Variants in CFAP61 observed in about 807,000 individuals in gnomAD.
The protein encoded by CFAP61 is cilia and flagella associated protein 61, also known as cilia- and flagella-associated protein 61.
CFAP61 carries 107 observed loss-of-function variants against 135.6 expected under a neutral mutation model. The ratio of observed to expected loss-of-function variants is 0.79; its 90% CI spans 0.67 to 0.93. CFAP61 has a LOEUF of 0.93. Among genes scored for constraint, CFAP61 ranks in the 40% least tolerant of loss-of-function variants. The pLI, the probability that CFAP61 is intolerant of heterozygous loss-of-function variation, is 0.00. For synonymous variants in CFAP61, 575 were observed against 578.5 expected (o/e 0.99, Z 0.09); for missense variants, 1,507 against 1,556.2 (o/e 0.97, Z 0.53).
At chr20:20,084,970 TA>T in intron 6 of CFAP61, 1 of 308,976 alleles carries the variant, frequency 3.2e-6, no homozygotes, top group Non-Finnish European at 4.7e-6. Flanking sequence ...CCAGGGAAGT[TA>T]AAATAAAATA....
At chr20:20,163,129 AG>A (rs1341373678) in intron 10 of CFAP61, among the ~76,000 whole-genome samples, 1 of 152,260 alleles carries the variant, frequency 6.6e-6, no homozygotes, top group African/African-American at 2.4e-5. Flanking sequence ...TTGGAAGGAC[AG>A]AGAACTGCTG....
chr20:20,355,155 AG>A (rs2059039980), intron 26 of CFAP61, among the ~76,000 whole-genome samples: 1 of 110,938 alleles, frequency 9.0e-6, no homozygotes, highest in Non-Finnish European at 1.8e-5. Flanking sequence ...GTGAGAGGGA[AG>A]GGGGTCACTG....
chr20:20,266,154 G>C (rs1240067540), intron 21 of CFAP61, among the ~76,000 whole-genome samples: 1 of 152,154 alleles, frequency 6.6e-6, no homozygotes, highest in Non-Finnish European at 1.5e-5. Context: ...TAGCTGGGAG[G>C]GCATTCCATA....
chr20:20,330,948 G>A (rs920371838), intron 25 of CFAP61, among the ~76,000 whole-genome samples: 1 of 152,160 alleles, frequency 6.6e-6, no homozygotes, highest in African/African-American at 2.4e-5. Flanking sequence ...TCTTCCCCTG[G>A]AAAGCTGCTA....
intron 3 of CFAP61, chr20:20,073,963 C>T (rs1347686116): frequency 1.2e-5 from 3 of 254,624 alleles, no homozygotes; most frequent in Non-Finnish European, 2.3e-5. Context: ...CATAGACACC[C>T]CTGAGGACAA....
chr20:20,311,110 G>A (rs548546365), intron 25 of CFAP61, among the ~76,000 whole-genome samples: 2 of 152,328 alleles, frequency 1.3e-5, no homozygotes, highest in South Asian at 2.1e-4. Context: ...AGTATCTTGA[G>A]TGTGGCTGGC....
At chr20:20,182,901 A>G (rs1384732101) in intron 13 of CFAP61, among the ~76,000 whole-genome samples, 1 of 152,240 alleles carries the variant, frequency 6.6e-6, no homozygotes, top group Non-Finnish European at 1.5e-5. Flanking sequence ...GTGCATAGTG[A>G]CACATGGCTA....
chr20:20,075,283 C>T (rs1158031016), intron 5 of CFAP61, 27 bp downstream of exon 5: 1 of 1,607,464 alleles, frequency 6.2e-7, no homozygotes, highest in African/African-American at 1.3e-5. Context: ...CACCTCTGGT[C>T]CCCGGTAGCA....
intron 26 of CFAP61, among the ~76,000 whole-genome samples, chr20:20,346,476 C>A (rs1176904291): frequency 1.4e-5 from 2 of 146,436 alleles, no homozygotes; most frequent in Non-Finnish European, 1.5e-5. Context: ...CCAGACCATG[C>A]CATTGCACTC....
rs556717416 is a variant in CFAP61 at position 20,360,623 on chromosome 20, C to T, written c.*213C>T. ...GTGTGCCTCTCTTCTGGGGCAGGCT[C>T]GCTTTACAAATCCCAGGCATGTTCC... On this transcript the variant is annotated 3_prime_UTR_variant, in exon 27 of 27. Transcript: ENST00000245957. 3 of 574,438 alleles carry T rather than the reference C, an allele frequency of 5.2e-6. No individual in the cohort carries two copies. Among genetic ancestry groups the T allele is most frequent in the East Asian group, 2.9e-5 (1 of 34,936 alleles). The allele number at this position is 574,438 out of a possible 1,614,324, so 35.6% of individuals were successfully genotyped here. A position where few individuals can be genotyped will look rare whatever the true frequency, so the allele number is the denominator to read the frequency against.
chr20:20,338,547 G>C (rs1281828698), intron 25 of CFAP61, among the ~76,000 whole-genome samples: 3 of 152,230 alleles, frequency 2.0e-5, no homozygotes, highest in African/African-American at 7.2e-5. Flanking sequence ...CCGCCACGCT[G>C]TGCCAATGCT....
chr20:20,060,752 TAAG>T (rs1033816160), intron 2 of CFAP61, among the ~76,000 whole-genome samples: 2 of 152,218 alleles, frequency 1.3e-5, no homozygotes, highest in African/African-American at 2.4e-5. Context: ...GTCTAAGTCA[TAAG>T]AAGTCTTGCA....
At chr20:20,312,677 A>T (rs1288097207) in intron 25 of CFAP61, among the ~76,000 whole-genome samples, 2 of 152,218 alleles carry the variant, frequency 1.3e-5, no homozygotes, top group African/African-American at 2.4e-5. Context: ...ACCCACAATA[A>T]AGAGAAAGTC....
chr20:20,317,158 G>A (rs2057186463), intron 25 of CFAP61, among the ~76,000 whole-genome samples: 1 of 151,992 alleles, frequency 6.6e-6, no homozygotes. Context: ...ACAGGCATGA[G>A]CCACTGTGCC....
intron 25 of CFAP61, among the ~76,000 whole-genome samples, chr20:20,323,955 A>T (rs1212059870): frequency 6.6e-6 from 1 of 152,202 alleles, no homozygotes; most frequent in African/African-American, 2.4e-5. Flanking sequence ...TTTTTTAACG[A>T]CTGGATAGAG....
chr20:20,135,522 T>A (rs1251439370), intron 8 of CFAP61, among the ~76,000 whole-genome samples: 1 of 152,242 alleles, frequency 6.6e-6, no homozygotes, highest in Admixed American at 6.5e-5. Context: ...TTTTTTTGTG[T>A]ATCCATTGTA....
chr20:20,098,487 G>A (rs2047748710), intron 7 of CFAP61, among the ~76,000 whole-genome samples, 168 bp from the exon 8 acceptor site: 1 of 151,720 alleles, frequency 6.6e-6, no homozygotes, highest in African/African-American at 2.4e-5. Flanking sequence ...GCGGGCGCCT[G>A]CAGTCCCAGC....
chr20:20,213,545 G>GAA (rs769555959), intron 17 of CFAP61, among the ~76,000 whole-genome samples: 1 of 131,552 alleles, frequency 7.6e-6, no homozygotes, highest in African/African-American at 2.8e-5. Flanking sequence ...ATCTGTTTAA[G>GAA]AAAAAAAAAA....
intron 2 of CFAP61, among the ~76,000 whole-genome samples, chr20:20,063,185 C>G (rs1247547210): frequency 1.3e-5 from 2 of 152,196 alleles, no homozygotes; most frequent in African/African-American, 4.8e-5. Flanking sequence ...CAAATAAATA[C>G]AAGTTCTTGG....
Sources: allele counts gnomAD v4.1 joint callset (sites outside exome capture counted in the v4.1 genomes callset), GRCh38; gene constraint gnomAD v4.1.1; transcripts MANE v1.5; gene names NCBI Gene and HGNC (gene_info 2026-07-23, HGNC 2026-07-21).